The following PPM1J variants were observed in gnomAD, a reference collection of about 807,000 sequenced individuals.
PPM1J encodes the protein protein phosphatase, Mg2+/Mn2+ dependent 1J, also known as protein phosphatase 1J.
Under a neutral mutation model 53.3 loss-of-function variants are expected in PPM1J, and 43 were observed. That is an observed-to-expected ratio of 0.81 (90% CI 0.63 to 1.04). PPM1J has a LOEUF of 1.04. Ranked by LOEUF, PPM1J falls within the 50% of genes least tolerant of loss-of-function variation. The pLI, the probability that PPM1J is intolerant of heterozygous loss-of-function variation, is 0.00. For synonymous variants in PPM1J, 267 were observed against 286.4 expected, an observed-to-expected ratio of 0.93 and a Z score of 0.68; for missense variants, 635 against 685.9, an observed-to-expected ratio of 0.93 and a Z score of 0.83.
rs766567759 is a variant in PPM1J at position 112,710,750 on chromosome 1, G to C, written c.1212C>G (p.Phe404Leu). ...TLPIKPFLSC[F>L]PEVRVYDLTQ... ...TGTGGTTTAAGGGGCTCACCTCAGG[G>C]AAGCAGGAGAGAAAGGGCTTGATGG... Residue 404 changes from phenylalanine to leucine, a missense_variant, in exon 8 of 10, where the codon TTC becomes TTG. By Grantham distance (22) the Phe-to-Leu change is conservative. Coordinates refer to ENST00000309276, the MANE Select transcript of PPM1J (RefSeq NM_005167.7). The C allele has an allele frequency of 1.2e-6, 2 of 1,613,942 alleles. No individual in the cohort carries two copies. Among genetic ancestry groups the C allele is most frequent in the East Asian group, 4.5e-5 (2 of 44,898 alleles).
intron 3 of PPM1J, 126 bp from the exon 4 acceptor site, chr1:112,712,583 G>C: frequency 8.8e-7 from 1 of 1,133,644 alleles, no homozygotes; most frequent in Non-Finnish European, 1.3e-6. Flanking sequence ...AGACAGGAGG[G>C]AAGACTGGGG....
rs1675033154 is a variant in PPM1J, at chr1:112,710,519, ACAGT to A, written c.1307_1310del (p.Asp436ValfsTer3). 6.2e-7 allele frequency: 1 copy of A among 1,613,640 alleles called. No homozygotes were observed. The highest frequency in any genetic ancestry group is 1.3e-5 in the African/African-American group (1 of 74,878). On this transcript the variant is annotated frameshift_variant, in exon 9 of 10. Transcript: ENST00000309276. LOFTEE classifies it high-confidence loss of function. ...CCCTGTCCACAGTGGCAGCTACCTC[ACAGT>A]CAGTAGTGACATCCCACAGGCCATC...
Position 112,710,028 on chromosome 1 carries a change from G to T in PPM1J, c.*135C>A. 2.1e-6 allele frequency: 3 copies of T among 1,455,852 alleles called. No individual in the cohort carries two copies. Among genetic ancestry groups the T allele is most frequent in the Non-Finnish European group, 2.7e-6 (3 of 1,106,252 alleles). 90.2% of individuals were successfully genotyped at this position (1,455,852 alleles called of 1,614,324 possible). A position where few individuals can be genotyped will look rare whatever the true frequency, so the allele number is the denominator to read the frequency against. The stretch of plus-strand genomic sequence containing the variant: ...CCATCTCGTTTATTTGCCAATAGCT[G>T]TAATTTTGGATATAGCGGACATCCC... On this transcript the variant is annotated 3_prime_UTR_variant, in exon 10 of 10. Transcript: ENST00000309276.
intron 2 of PPM1J, 66 bp from the exon 3 acceptor site, chr1:112,713,097 T>TG: frequency 1.0e-5 from 14 of 1,344,180 alleles, no homozygotes; most frequent in African/African-American, 3.0e-5. Context: ...TGTGTGTGTG[T>TG]TATGCAAGGT....
In PPM1J at chr1:112,710,070, C is replaced by T; in HGVS notation, c.*93G>A. ...GGACATCCCTTCTTCAGTTAAGTTG[C>T]CACTAAAGAAGGGTCAGGGAGACAA... On this transcript the variant is annotated 3_prime_UTR_variant, in exon 10 of 10. Transcript: ENST00000309276. 6.8e-7 allele frequency: 1 copy of T among 1,469,360 alleles called. No homozygotes were observed. 91.0% of individuals were successfully genotyped at this position (1,469,360 alleles called of 1,614,324 possible).
intron 1 of PPM1J, 67 bp downstream of exon 1, chr1:112,714,909 G>A: frequency 1.5e-6 from 2 of 1,320,652 alleles, no homozygotes; most frequent in South Asian, 1.9e-5. Context: ...TCCTAGCGCC[G>A]GGGATGCGGA....
chr1:112,711,547 C>T (rs957636723), intron 5 of PPM1J, 163 bp from the exon 6 acceptor site: 8 of 599,238 alleles, frequency 1.3e-5, no homozygotes, highest in Non-Finnish European at 1.8e-5. Flanking sequence ...CTCCTCACAA[C>T]AGCCCTTAAG....
rs1344860410 is a variant in PPM1J at position 112,712,560 on chromosome 1, AG to A, written c.730-104del. The A allele has an allele frequency of 4.8e-5, 58 of 1,208,038 alleles. No individual in the cohort carries two copies. In the Middle Eastern group the frequency reaches 6.4e-4, roughly 13 times the overall value. 74.8% of individuals were successfully genotyped at this position (1,208,038 alleles called of 1,614,324 possible). ...CCCGTAGAAATCAACTGGCCCAGCCAGGCTACACTGGAAGACAGGAGGGAAG... is the reference window on the plus strand; with the variant it reads ...CCCGTAGAAATCAACTGGCCCAGCCAGCTACACTGGAAGACAGGAGGGAAG... On this transcript the variant is annotated intron_variant, in intron 3 of 9. Coordinates refer to ENST00000309276, the MANE Select transcript of PPM1J (RefSeq NM_005167.7).
Position 112,715,307 on chromosome 1 carries a change from C to T in PPM1J, c.-6G>A, listed in dbSNP as rs960299404. 1.2e-5 allele frequency: 15 copies of T among 1,247,086 alleles called. No individual in the cohort carries two copies. The highest frequency in any genetic ancestry group is 8.5e-5 in the Admixed American group (2 of 23,472). 77.3% of individuals were successfully genotyped at this position (1,247,086 alleles called of 1,614,324 possible). A position where few individuals can be genotyped will look rare whatever the true frequency, so the allele number is the denominator to read the frequency against. On this transcript the variant is annotated 5_prime_UTR_variant, in exon 1 of 10. Transcript: ENST00000309276. The surrounding 1 kb of genome is among the most constrained non-coding windows in gnomAD (Gnocchi z 4.4). The stretch of plus-strand genomic sequence containing the variant: ...GAGCGCACCCGGTTTAGCATGCTGC[C>T]TCCCTGCCCCGCCCTCGGCCGCGGC...
intron 3 of PPM1J, 134 bp from the exon 4 acceptor site, chr1:112,712,591 G>T: frequency 9.1e-7 from 1 of 1,098,098 alleles, no homozygotes. Flanking sequence ...GGGAAGACTG[G>T]GGTGTAACTG....
intron 2 of PPM1J, among the ~76,000 whole-genome samples, chr1:112,713,295 G>C (rs760235609): frequency 1.1e-4 from 17 of 152,176 alleles, no homozygotes; most frequent in Non-Finnish European, 2.2e-4. Context: ...AAATATGTGA[G>C]CCTCTACATT....
intron 7 of PPM1J, 65 bp from the exon 8 acceptor site, chr1:112,710,916 C>T: frequency 2.5e-6 from 4 of 1,592,150 alleles, no homozygotes; most frequent in African/African-American, 1.3e-5. Flanking sequence ...CCAAAGATCC[C>T]TTCCACCCCT....
Position 112,710,196 on chromosome 1 carries a change from G to A in PPM1J, c.1485C>T (p.Val495=). The change falls in exon 10 of 10, where the codon GTC becomes GTT. Residue 495 remains valine, a synonymous_variant. Transcript: ENST00000309276. ...AACTGCCTGGCCCTCCCAGGGGGAT[G>A]ACGAAGACAGAGATGTCATCCCCGG... is the stretch of plus-strand genomic sequence containing the variant. ...LGSGDDISVF[V]IPLGGPGSYS 1 of 1,578,310 alleles carries A rather than the reference G, an allele frequency of 6.3e-7. No homozygotes were observed. The highest frequency in any genetic ancestry group is 8.6e-7 in the Non-Finnish European group (1 of 1,167,252).
chr1:112,713,153 T>C, intron 2 of PPM1J, 122 bp from the exon 3 acceptor site: 1 of 936,188 alleles, frequency 1.1e-6, no homozygotes, highest in Non-Finnish European at 1.6e-6. Flanking sequence ...GAGAGGTCAG[T>C]GTTTGCTACT....
intron 3 of PPM1J, 82 bp from the exon 4 acceptor site, chr1:112,712,539 T>C (rs991349274): frequency 7.6e-7 from 1 of 1,322,682 alleles, no homozygotes; most frequent in Admixed American, 2.0e-5. Context: ...CCTCCACCCG[T>C]AGAAATCAAC....
chr1:112,713,402 C>A, intron 2 of PPM1J, 95 bp downstream of exon 2: 2 of 830,216 alleles, frequency 2.4e-6, no homozygotes, highest in Non-Finnish European at 2.1e-6. Flanking sequence ...CCAGTGAGTT[C>A]ATCAGGTCTT....
chr1:112,711,996 G>C lies in PPM1J; in HGVS notation c.902C>G (p.Thr301Ser), dbSNP rs765389335. 24 of 1,609,174 alleles carry C rather than the reference G, an allele frequency of 1.5e-5. No homozygotes were observed. The highest frequency in any genetic ancestry group is 2.0e-5 in the Non-Finnish European group (24 of 1,176,496). Residue 301 changes from threonine to serine, a missense_variant, in exon 5 of 10, where the codon ACT (threonine) becomes AGT (serine). Physicochemically the swap from Thr to Ser is moderately conservative, Grantham distance 58. Transcript: ENST00000309276. ...IPMSREFTPE[T>S]ERQRLQLLGF... ...AAGCAGCTGAAGACGCTGGCGCTCA[G>C]TCTCCGGGGTAAACTCCCGGGACAT... is the stretch of plus-strand genomic sequence containing the variant.
intron 2 of PPM1J, 86 bp from the exon 3 acceptor site, chr1:112,713,117 G>A: frequency 8.2e-7 from 1 of 1,220,240 alleles, no homozygotes; most frequent in South Asian, 1.5e-5. Context: ...TGAATAACAA[G>A]ACTCTGGGCA....
intron 5 of PPM1J, 52 bp downstream of exon 5, chr1:112,711,919 G>A (rs1570841571): frequency 1.5e-6 from 2 of 1,305,940 alleles, no homozygotes; most frequent in East Asian, 4.8e-5. Context: ...GGGGTGCAGG[G>A]AGGCACAAGA....
Sources: allele counts gnomAD v4.1 joint callset (sites outside exome capture counted in the v4.1 genomes callset), GRCh38; gene constraint gnomAD v4.1.1; non-coding constraint Gnocchi (gnomAD v3.1); transcripts MANE v1.5; gene names NCBI Gene and HGNC (gene_info 2026-07-23, HGNC 2026-07-21).